The following OSBPL2 variants were observed in gnomAD, a reference collection of about 807,000 sequenced individuals.
The protein encoded by OSBPL2 is oxysterol-binding protein-related protein 2.
OSBPL2 carries 18 observed loss-of-function variants against 58.4 expected under a neutral mutation model. That is an observed-to-expected ratio of 0.31 (90% confidence interval 0.21 to 0.46). OSBPL2 has a LOEUF of 0.46. OSBPL2 is among the 20% of genes least tolerant of loss of function. OSBPL2 has a pLI of 1.00. For synonymous variants in OSBPL2, 221 were observed against 234.1 expected (o/e 0.94, Z 0.51); for missense variants, 461 against 616.5 (o/e 0.75, Z 2.67).
intron 12 of OSBPL2, 118 bp downstream of exon 12, chr20:62,289,448 C>A (rs575984365): frequency 2.0e-4 from 250 of 1,233,484 alleles, no homozygotes; most frequent in Admixed American, 6.4e-4. Context: ...GAGCCCCGTC[C>A]CTCTCCCTAA....
chr20:62,281,156 T>A lies in OSBPL2; in HGVS notation c.773T>A (p.Leu258Ter). 1 of 1,609,562 alleles carries A rather than the reference T, an allele frequency of 6.2e-7. No homozygotes were observed. Among genetic ancestry groups the A allele is most frequent in the Non-Finnish European group, 8.5e-7 (1 of 1,176,118 alleles). Residue 258 changes from leucine (L) to a stop codon, truncating the protein, a stop_gained, in exon 8 of 14, where the codon TTA (leucine) becomes TAA (stop). Coordinates refer to ENST00000313733, the MANE Select transcript of OSBPL2 (RefSeq NM_144498.4). LOFTEE classifies it high-confidence loss of function. ...WIEQYGTVEILNHRTGHKCVL... is the reference protein window; with the variant it reads ...WIEQYGTVEI ...GAGCAGTATGGGACAGTGGAGATTT[T>A]AAACCACAGGTGACAGCACCCCACC...
At chr20:62,281,588 AT>A in intron 8 of OSBPL2, 1 of 550,944 alleles carries the variant, frequency 1.8e-6, no homozygotes, top group South Asian at 2.3e-5. Context: ...CACTTAAGTG[AT>A]TTTTAGTAAA....
intron 10 of OSBPL2, chr20:62,285,106 A>G (rs1983027836): frequency 6.6e-6 from 1 of 152,218 alleles, no homozygotes; most frequent in South Asian, 2.1e-4. Flanking sequence ...AATGTTCAAT[A>G]TTTATTTAAC....
intron 7 of OSBPL2, chr20:62,280,357 T>C (rs1982702171): frequency 3.3e-6 from 1 of 304,644 alleles, no homozygotes; most frequent in African/African-American, 2.2e-5. Context: ...GTGGCCTTGC[T>C]TAATTAAGAG....
Position 62,294,019 on chromosome 20 carries a change from T to C in OSBPL2, c.*132T>C. 1 of 1,171,024 alleles carries C rather than the reference T, an allele frequency of 8.5e-7. No individual in the cohort carries two copies. The highest frequency in any genetic ancestry group is 1.2e-6 in the Non-Finnish European group (1 of 858,360). The allele number at this position is 1,171,024 out of a possible 1,614,324, so 72.5% of individuals were successfully genotyped here. A position where few individuals can be genotyped will look rare whatever the true frequency, so the allele number is the denominator to read the frequency against. ...GAGTTCGCGGAGATAGCATCATCCC[T>C]GATCAAGGATGTAATTCTAATTAAC... is the stretch of plus-strand genomic sequence containing the variant. On this transcript the variant is annotated 3_prime_UTR_variant, in exon 14 of 14. Transcript: ENST00000313733.
At chr20:62,273,957 C>T (rs1189042227) in intron 6 of OSBPL2, among the ~76,000 whole-genome samples, 3 of 152,248 alleles carry the variant, frequency 2.0e-5, no homozygotes, top group South Asian at 2.1e-4. Context: ...CATCTCCAGA[C>T]ATCCCTGAAA....
At position 62,288,124 on chromosome 20, in the gene OSBPL2, G is replaced by T. The variant is rs1983251217; in HGVS notation, c.1126-1083G>T. The stretch of plus-strand genomic sequence containing the variant: ...AGACTAGTGTGTGAGGGCCCAGGGG[G>T]CCATGGGGATGAGGGTGGAGGGGGT... On this transcript the variant is annotated intron_variant, in intron 11 of 13. Coordinates refer to ENST00000313733, the MANE Select transcript of OSBPL2 (RefSeq NM_144498.4). This position sits in a 1 kb window ranked among gnomAD's most constrained non-coding sequence, Gnocchi z 4.8. Among the ~76,000 whole-genome samples, 1 of 152,206 alleles carries T rather than the reference G, an allele frequency of 6.6e-6. No individual in the cohort carries two copies. The highest frequency in any genetic ancestry group is 1.5e-5 in the Non-Finnish European group (1 of 68,026).
rs1398061274 is a variant in OSBPL2 at position 62,272,157 on chromosome 20, C to T, written c.291C>T (p.Phe97=). Residue 97 remains phenylalanine (F), a synonymous_variant, in exon 5 of 14, where the codon TTC becomes TTT. Transcript: ENST00000313733. ...ELSKITMPIA[F]NEPLSFLQRI... is the part of the protein sequence containing the mutation. ...CCAAGATCACGATGCCAATCGCCTT[C>T]AACGAGCCTCTGAGCTTCTTGCAGC... The T allele has an allele frequency of 9.3e-6, 15 of 1,613,778 alleles. No homozygotes were observed. The highest frequency in any genetic ancestry group is 1.3e-5 in the Non-Finnish European group (15 of 1,179,986).
intron 7 of OSBPL2, 119 bp downstream of exon 7, chr20:62,279,458 G>A: frequency 9.6e-7 from 1 of 1,041,368 alleles, no homozygotes; most frequent in Non-Finnish European, 1.4e-6. Context: ...CTGAGGTGGG[G>A]ACCTCCCCAC....
At chr20:62,256,789 G>C (rs1980951679) in intron 2 of OSBPL2, among the ~76,000 whole-genome samples, 1 of 152,258 alleles carries the variant, frequency 6.6e-6, no homozygotes, top group African/African-American at 2.4e-5. Context: ...GGGGCGGCTA[G>C]AGGAAAGGGC....
Position 62,252,565 on chromosome 20 carries a change from C to T in OSBPL2, c.-128-3492C>T, listed in dbSNP as rs542989195. Among the ~76,000 whole-genome samples the T allele has an allele frequency of 1.1e-4, 17 of 152,290 alleles. No individual in the cohort carries two copies. In the South Asian group the frequency reaches 3.5e-3, roughly 32 times the overall value. On this transcript the variant is annotated intron_variant, in intron 1 of 13. Coordinates refer to ENST00000313733, the MANE Select transcript of OSBPL2 (RefSeq NM_144498.4). ...TCTGCTGGGCGAGGTGCCAGGGGTC[C>T]GGGTGCTGCTGCTGAGTCGCCGTGG...
intron 2 of OSBPL2, among the ~76,000 whole-genome samples, chr20:62,257,571 C>T (rs913974121): frequency 6.6e-6 from 1 of 152,188 alleles, no homozygotes; most frequent in African/African-American, 2.4e-5. Context: ...CAGGCTCTCA[C>T]ACCCTTGGGC....
chr20:62,255,014 A>G (rs1243400366), intron 1 of OSBPL2: 1 of 152,018 alleles, frequency 6.6e-6, no homozygotes, highest in Non-Finnish European at 1.5e-5. Context: ...AATGATTTTC[A>G]GCAAAACTTC....
chr20:62,283,350 C>T (rs936860834), intron 9 of OSBPL2, among the ~76,000 whole-genome samples: 1 of 152,208 alleles, frequency 6.6e-6, no homozygotes, highest in African/African-American at 2.4e-5. Flanking sequence ...GTGACACCGT[C>T]CCCTCCTGGG....
chr20:62,283,524 T>C (rs575305092), intron 9 of OSBPL2, among the ~76,000 whole-genome samples: 4 of 152,260 alleles, frequency 2.6e-5, no homozygotes, highest in East Asian at 1.9e-4. Flanking sequence ...TCTGGGTTGT[T>C]ATTGATGAAA....
intron 4 of OSBPL2, among the ~76,000 whole-genome samples, chr20:62,268,049 A>ATTTTTT (rs149417240): frequency 1.1e-4 from 13 of 116,188 alleles, no homozygotes; most frequent in South Asian, 5.9e-4. Flanking sequence ...TGCCCGGCTA[A>ATTTTTT]TTTTTTTTTT....
At chr20:62,261,238 C>T (rs185049490) in intron 3 of OSBPL2, among the ~76,000 whole-genome samples, 9 of 151,650 alleles carry the variant, frequency 5.9e-5, no homozygotes, top group Non-Finnish European at 8.8e-5. Flanking sequence ...ATCACTTGAA[C>T]CCGGGAGGCA....
intron 3 of OSBPL2, among the ~76,000 whole-genome samples, chr20:62,263,224 T>A (rs957118488): frequency 6.6e-6 from 1 of 152,204 alleles, no homozygotes. Flanking sequence ...CAGGTCACTC[T>A]TGCTGCCCTC....
chr20:62,239,317 T>C (rs1219188022), intron 1 of OSBPL2, among the ~76,000 whole-genome samples: 1 of 152,270 alleles, frequency 6.6e-6, no homozygotes, highest in Non-Finnish European at 1.5e-5. Context: ...TCGCCAGTTA[T>C]ATTTTGGTAC....
Sources: allele counts gnomAD v4.1 joint callset (sites outside exome capture counted in the v4.1 genomes callset), GRCh38; gene constraint gnomAD v4.1.1; non-coding constraint Gnocchi (gnomAD v3.1); transcripts MANE v1.5; gene names NCBI Gene and HGNC (gene_info 2026-07-23, HGNC 2026-07-21).